NCOR2: variants seen among roughly 807,000 people sequenced by gnomAD.
The protein encoded by NCOR2 is nuclear receptor corepressor 2.
NCOR2 carries 81 observed loss-of-function variants against 262.9 expected under a neutral mutation model. The ratio of observed to expected loss-of-function variants is 0.31; its 90% CI spans 0.26 to 0.37. The LOEUF (loss-of-function observed/expected upper bound fraction) is 0.37, where lower values mean the gene tolerates loss of function less well. NCOR2 is among the 10% of genes least tolerant of loss of function. NCOR2 has a pLI of 1.00. For synonymous variants in NCOR2, 1,659 were observed against 1,559.3 expected (o/e 1.06, Z -1.51); for missense variants, 3,385 against 3,621.4 (o/e 0.93, Z 1.68).
intron 1 of NCOR2, among the ~76,000 whole-genome samples, chr12:124,512,679 C>A (rs911367202): frequency 4.6e-5 from 7 of 152,136 alleles, no homozygotes; most frequent in Admixed American, 3.3e-4. Flanking sequence ...CAAGCCCCAG[C>A]GGAACCCCAT....
chr12:124,510,230 C>T (rs975366606), intron 1 of NCOR2, among the ~76,000 whole-genome samples: 2 of 152,228 alleles, frequency 1.3e-5, no homozygotes, highest in South Asian at 2.1e-4. Flanking sequence ...ACCCCAGCTC[C>T]GCTTCTCCTC....
exon 47 of NCOR2, chr12:124,325,376 C>T (rs978083903): frequency 3.0e-5 from 13 of 426,508 alleles, no homozygotes; most frequent in African/African-American, 2.5e-4. Context: ...GACCTGACAC[C>T]GCCCCCCCCC....
intron 13 of NCOR2, among the ~76,000 whole-genome samples, chr12:124,417,542 A>AG (rs957039849): frequency 2.0e-5 from 3 of 152,128 alleles, no homozygotes; most frequent in Admixed American, 1.3e-4. Context: ...AGGTCATGGG[A>AG]GGGGAACTGG....
chr12:124,407,503 C>A (rs1039435912), intron 13 of NCOR2, among the ~76,000 whole-genome samples: 3 of 152,134 alleles, frequency 2.0e-5, no homozygotes, highest in South Asian at 2.1e-4. Flanking sequence ...GCGGTGGGAG[C>A]CCCCGGGGAC....
intron 1 of NCOR2, among the ~76,000 whole-genome samples, chr12:124,550,896 C>T (rs1023986216): frequency 1.3e-5 from 2 of 152,190 alleles, no homozygotes; most frequent in African/African-American, 4.8e-5. Context: ...CTAGAAAGTC[C>T]CCGGCAGCCC....
chr12:124,392,995 C>T (rs1398385972), intron 16 of NCOR2, among the ~76,000 whole-genome samples: 1 of 152,214 alleles, frequency 6.6e-6, no homozygotes, highest in Non-Finnish European at 1.5e-5. Flanking sequence ...GGACTGGCAG[C>T]CCGGAGGCGG....
At chr12:124,419,745 G>A (rs1337312422) in intron 13 of NCOR2, among the ~76,000 whole-genome samples, 5 of 152,202 alleles carry the variant, frequency 3.3e-5, no homozygotes, top group South Asian at 2.1e-4. Context: ...CGGGAGGCTC[G>A]AGATAGCCTG....
chr12:124,519,765 G>A (rs1191590414), intron 1 of NCOR2, among the ~76,000 whole-genome samples: 1 of 152,192 alleles, frequency 6.6e-6, no homozygotes, highest in Non-Finnish European at 1.5e-5. Flanking sequence ...TGTGTGCCCA[G>A]CACTGTGCTA....
rs534164586 is a variant in NCOR2, at chr12:124,456,782, A to G, written c.762+324T>C. Among the ~76,000 whole-genome samples, 401 of 152,254 alleles carry G rather than the reference A, an allele frequency of 2.6e-3. 2 individuals are homozygous for G. The Middle Eastern group carries it at 0.048, about 18-fold the overall frequency. The stretch of plus-strand genomic sequence containing the variant: ...GAACCGGCTCTCCGCGCTCAGCTGG[A>G]GCAAGCGCACCGGCCTACGGATGTG... On this transcript the variant is annotated intron_variant, in intron 6 of 46. Coordinates refer to ENST00000405201, the Ensembl canonical transcript of NCOR2.
intron 1 of NCOR2, among the ~76,000 whole-genome samples, chr12:124,545,646 T>A (rs1301126816): frequency 6.6e-6 from 1 of 152,128 alleles, no homozygotes; most frequent in Non-Finnish European, 1.5e-5. Context: ...GAAGCCCAAG[T>A]GGCCCGGCTG....
rs200471155 is a variant in NCOR2, at chr12:124,327,454, T to C, written c.7138A>G (p.Ile2380Val). Residue 2380 changes from isoleucine to valine, a missense_variant, in exon 45 of 47, where the codon ATA becomes GTA. Ile to Val is a conservative substitution (Grantham distance 29). Around this residue, in one of 5 missense-constraint regions of NCOR2, gnomAD observed 1,017 missense variants for 967.2 expected, o/e 1.05. Coordinates refer to ENST00000405201, the Ensembl canonical transcript of NCOR2. ...TCACTCCGTCCGTCAGCAGCGGTTATGGGCATAGCAGCGGGCAGGCTGGCA... is the reference window on the plus strand; with the variant it reads ...TCACTCCGTCCGTCAGCAGCGGTTACGGGCATAGCAGCGGGCAGGCTGGCA... 3.7e-6 allele frequency: 6 copies of C among 1,612,918 alleles called. No individual in the cohort carries two copies. In the Admixed American group the frequency reaches 5.0e-5, roughly 13 times the overall value.
chr12:124,371,918 C>G, intron 20 of NCOR2, 104 bp downstream of exon 22: 2 of 1,232,476 alleles, frequency 1.6e-6, no homozygotes, highest in South Asian at 3.2e-5. Context: ...TCGGGCTCCC[C>G]CAAAGCAGGC....
At chr12:124,387,552 G>T (rs1312246439) in intron 16 of NCOR2, among the ~76,000 whole-genome samples, 2 of 152,204 alleles carry the variant, frequency 1.3e-5, no homozygotes, top group Non-Finnish European at 2.9e-5. Flanking sequence ...TCTGGCCCCC[G>T]TGGCGTGGGG....
chr12:124,491,488 C>A (rs2136874028), intron 1 of NCOR2, among the ~76,000 whole-genome samples: 1 of 152,322 alleles, frequency 6.6e-6, no homozygotes, highest in Admixed American at 6.5e-5. Flanking sequence ...GGCTCCAGAA[C>A]CGGTGCTATG....
intron 20 of NCOR2, 37 bp from the exon 23 acceptor site, chr12:124,363,836 A>G (rs1466200654): frequency 1.5e-6 from 2 of 1,319,932 alleles, no homozygotes; most frequent in African/African-American, 3.0e-5. Context: ...GGGGGCCCAC[A>G]GCCGGACTCT....
At chr12:124,327,416 G>A (rs1169140142) in exon 45 of NCOR2, 2 of 1,609,822 alleles carry the variant, frequency 1.2e-6, no homozygotes, top group South Asian at 1.1e-5. Context: ...GACCTGGCGA[G>A]GTGAGTGTGT....
intron 1 of NCOR2, among the ~76,000 whole-genome samples, chr12:124,557,321 T>C (rs2051914617): frequency 6.6e-6 from 1 of 152,208 alleles, no homozygotes; most frequent in Non-Finnish European, 1.5e-5. Flanking sequence ...AGGTTCAAAA[T>C]CAAGGTGTTG....
At chr12:124,525,785 C>T (rs1293298545) in intron 1 of NCOR2, among the ~76,000 whole-genome samples, 2 of 152,190 alleles carry the variant, frequency 1.3e-5, no homozygotes, top group East Asian at 1.9e-4. Flanking sequence ...TGGAGTCAGG[C>T]GTTCTGGGTT....
In NCOR2 at chr12:124,454,766, A is replaced by G. The variant is rs2045743460; in HGVS notation, c.762+2340T>C. ...TGGGCAGTTCCTCAAGGGGCTAAACAGGGTTAACAGAGGATCTAGCAATTC... is the reference window on the plus strand; with the variant it reads ...TGGGCAGTTCCTCAAGGGGCTAAACGGGGTTAACAGAGGATCTAGCAATTC... On this transcript the variant is annotated intron_variant, in intron 6 of 46. Transcript: ENST00000405201. This position sits in a 1 kb window ranked among gnomAD's most constrained non-coding sequence, Gnocchi z 5.6. Among the ~76,000 whole-genome samples, 1 of 152,232 alleles carries G rather than the reference A, an allele frequency of 6.6e-6. No homozygotes were observed. Among genetic ancestry groups the G allele is most frequent in the African/African-American group, 2.4e-5 (1 of 41,456 alleles).
Sources: gnomAD v4.1 joint callset for allele counts (sites outside exome capture counted in the v4.1 genomes callset) on GRCh38, gnomAD v4.1.1 for gene constraint, gnomAD v4.1.1 regional missense constraint, Gnocchi (gnomAD v3.1) non-coding constraint, MANE v1.5 for transcripts, NCBI Gene and HGNC (gene_info 2026-07-23, HGNC 2026-07-21) for gene names.